The following RPS6KA2 variants were observed in gnomAD, a reference collection of about 807,000 sequenced individuals.
RPS6KA2 encodes the protein ribosomal protein S6 kinase alpha-2.
In RPS6KA2, 42 loss-of-function variants were observed where a neutral mutation model predicts 91.8. The ratio of observed to expected loss-of-function variants is 0.46; its 90% confidence interval spans 0.36 to 0.59. The LOEUF is 0.59. Ranked by LOEUF, RPS6KA2 falls within the 20% of genes least tolerant of loss-of-function variation. The probability of loss-of-function intolerance (pLI) is 0.00; values close to 1 mark genes in which losing one functional copy is unlikely to be tolerated. For missense variants in RPS6KA2, 798 were observed against 978.5 expected (o/e 0.82, Z 2.46); for synonymous variants, 414 against 393.6 (o/e 1.05, Z -0.61).
chr6:166,843,081 G>T (rs909327699), intron 2 of RPS6KA2, among the ~76,000 whole-genome samples: 1 of 152,154 alleles, frequency 6.6e-6, no homozygotes, highest in Non-Finnish European at 1.5e-5. Flanking sequence ...ACTGTGGGCT[G>T]CATGGGAGCA....
Position 166,459,546 on chromosome 6 carries a change from C to T in RPS6KA2, c.978G>A (p.Leu326=), listed in dbSNP as rs745964665. ...ACGGTGGCTTGATCTCCTTCCGGTA[C>T]AGCGTCTATTAATACAAGGAAAGCA... The part of the protein sequence containing the change: ...PFFVTIDWNT[L]YRKEIKPPFK... Residue 326 remains leucine (L), a synonymous_variant, in exon 12 of 21, where the codon CTG becomes CTA. Transcript: ENST00000265678. This position sits in a 1 kb window ranked among gnomAD's most constrained non-coding sequence, Gnocchi z 4.9. The T allele has an allele frequency of 2.5e-5, 40 of 1,611,960 alleles. No homozygotes were observed. The highest frequency in any genetic ancestry group is 8.3e-5 in the Admixed American group (5 of 59,948).
intron 3 of RPS6KA2, among the ~76,000 whole-genome samples, chr6:166,529,687 G>A (rs930094414): frequency 6.6e-6 from 1 of 152,306 alleles, no homozygotes; most frequent in South Asian, 2.1e-4. Flanking sequence ...TTTTGTGTAC[G>A]TAAGAATTAC....
intron 1 of RPS6KA2, among the ~76,000 whole-genome samples, chr6:166,551,297 T>G (rs1375112504): frequency 6.6e-6 from 1 of 152,246 alleles, no homozygotes; most frequent in Non-Finnish European, 1.5e-5. Flanking sequence ...GGAAGAGAAC[T>G]ACTTCTGCAA....
intron 2 of RPS6KA2, among the ~76,000 whole-genome samples, chr6:166,753,016 G>A (rs543541180): frequency 1.3e-5 from 2 of 152,334 alleles, no homozygotes; most frequent in East Asian, 3.9e-4. Context: ...AGTCACTGCA[G>A]AGGGCAGAAA....
intron 1 of RPS6KA2, among the ~76,000 whole-genome samples, chr6:166,583,543 C>G (rs892136204): frequency 1.4e-4 from 22 of 152,252 alleles, no homozygotes; most frequent in African/African-American, 4.1e-4. Context: ...GTCATGTCTA[C>G]ACCAGGGTTC....
At chr6:166,600,484 C>T (rs189378265) in intron 1 of RPS6KA2, among the ~76,000 whole-genome samples, 227 of 152,310 alleles carry the variant, frequency 1.5e-3, no homozygotes, top group African/African-American at 5.1e-3. Context: ...GATTTTCTTC[C>T]GATCTAAATT....
At chr6:166,693,287 C>T (rs941449500) in intron 2 of RPS6KA2, among the ~76,000 whole-genome samples, 2 of 152,208 alleles carry the variant, frequency 1.3e-5, no homozygotes, top group Non-Finnish European at 1.5e-5. Flanking sequence ...CTTCTCCACT[C>T]CTGAGAAGGC....
chr6:166,520,644 G>C (rs1782824032), intron 3 of RPS6KA2, among the ~76,000 whole-genome samples: 1 of 152,224 alleles, frequency 6.6e-6, no homozygotes, highest in African/African-American at 2.4e-5. Flanking sequence ...AATGGGTAAT[G>C]GGTAGAGGTT....
intron 12 of RPS6KA2, 98 bp from the exon 13 acceptor site, chr6:166,451,331 C>CTG (rs1562502725): frequency 8.7e-6 from 10 of 1,153,418 alleles, no homozygotes; most frequent in East Asian, 5.4e-5. Flanking sequence ...GTGTGCAAGT[C>CTG]CGTGTGTGTG....
chr6:166,808,488 C>T (rs1277056780), intron 2 of RPS6KA2, among the ~76,000 whole-genome samples: 3 of 152,190 alleles, frequency 2.0e-5, no homozygotes, highest in Non-Finnish European at 4.4e-5. Flanking sequence ...GGGCAGAGGG[C>T]TTTGGTTTTT....
At chr6:166,682,119 G>C (rs540306758) in intron 2 of RPS6KA2, among the ~76,000 whole-genome samples, 14 of 152,286 alleles carry the variant, frequency 9.2e-5, no homozygotes, top group South Asian at 6.2e-4. Context: ...ATTTACCCAA[G>C]GAATGTGATG....
chr6:166,700,018 T>G (rs1285525816), intron 2 of RPS6KA2, among the ~76,000 whole-genome samples: 2 of 152,236 alleles, frequency 1.3e-5, no homozygotes, highest in Non-Finnish European at 2.9e-5. Context: ...CTAAGCATCC[T>G]GTAAGACAAG....
At chr6:166,658,298 C>A (rs776757651) in intron 2 of RPS6KA2, among the ~76,000 whole-genome samples, 1 of 152,284 alleles carries the variant, frequency 6.6e-6, no homozygotes, top group Admixed American at 6.5e-5. Context: ...CTATGCTGAA[C>A]GCTGCATGTG....
intron 1 of RPS6KA2, among the ~76,000 whole-genome samples, chr6:166,623,058 T>C (rs1328861732): frequency 6.6e-6 from 1 of 152,216 alleles, no homozygotes; most frequent in African/African-American, 2.4e-5. Context: ...ATATCCCAGG[T>C]AGAGTCTCGC....
intron 11 of RPS6KA2, among the ~76,000 whole-genome samples, chr6:166,460,158 A>G (rs886138132): frequency 1.3e-5 from 2 of 152,234 alleles, no homozygotes; most frequent in African/African-American, 2.4e-5. Flanking sequence ...GCTCCTCGAC[A>G]GGAGGACGCC....
At chr6:166,604,364 G>A (rs1785862488) in intron 1 of RPS6KA2, among the ~76,000 whole-genome samples, 1 of 152,108 alleles carries the variant, frequency 6.6e-6, no homozygotes, top group Admixed American at 6.5e-5. Flanking sequence ...GATCTATTTG[G>A]GGGTTTGGAA....
intron 1 of RPS6KA2, among the ~76,000 whole-genome samples, chr6:166,614,392 C>T (rs185740619): frequency 5.3e-5 from 8 of 152,326 alleles, no homozygotes; most frequent in African/African-American, 1.4e-4. Flanking sequence ...CACAGCTGTG[C>T]TGCCCGGCCC....
chr6:166,756,178 T>C, intron 2 of RPS6KA2, among the ~76,000 whole-genome samples: 1 of 152,046 alleles, frequency 6.6e-6, no homozygotes, highest in East Asian at 1.9e-4. Context: ...TAGTCCCAGC[T>C]ACTCGGGAGG....
At chr6:166,427,759 C>T (rs1480006306) in intron 16 of RPS6KA2, among the ~76,000 whole-genome samples, 2 of 152,116 alleles carry the variant, frequency 1.3e-5, no homozygotes, top group Non-Finnish European at 2.9e-5. Flanking sequence ...CGTGAAGGAC[C>T]TCTTCAAGGA....
Sources: gnomAD v4.1 joint callset for allele counts (sites outside exome capture counted in the v4.1 genomes callset) on GRCh38, gnomAD v4.1.1 for gene constraint, Gnocchi (gnomAD v3.1) non-coding constraint, MANE v1.5 for transcripts, NCBI Gene and HGNC (gene_info 2026-07-23, HGNC 2026-07-21) for gene names.